The following ABHD6 variants were observed in gnomAD, a reference collection of about 807,000 sequenced individuals.
ABHD6 encodes monoacylglycerol lipase ABHD6.
A neutral mutation model predicts 38.8 loss-of-function variants in ABHD6; 33 were observed. The ratio of observed to expected loss-of-function variants is 0.85; its 90% confidence interval spans 0.64 to 1.14. The LOEUF (loss-of-function observed/expected upper bound fraction) is 1.14, where lower values mean the gene tolerates loss of function less well. Among genes scored for constraint, ABHD6 ranks in the 50% most tolerant of loss-of-function variants. The pLI, the probability that ABHD6 is intolerant of heterozygous loss-of-function variation, is 0.00. For missense variants in ABHD6, 380 were observed against 422.6 expected, an observed-to-expected ratio of 0.90 and a Z score of 0.88; for synonymous variants, 147 against 161.6, an observed-to-expected ratio of 0.91 and a Z score of 0.69.
At chr3:58,242,090 G>A (rs368393788) in intron 1 of ABHD6, among the ~76,000 whole-genome samples, 4 of 152,316 alleles carry the variant, frequency 2.6e-5, no homozygotes, top group African/African-American at 9.6e-5. Context: ...CCAGGCGAGA[G>A]GGAGAATAGG....
chr3:58,270,822 G>A (rs2107455520), intron 5 of ABHD6, 110 bp from the exon 6 acceptor site: 1 of 1,236,524 alleles, frequency 8.1e-7, no homozygotes, highest in Non-Finnish European at 1.1e-6. Flanking sequence ...TCTTTAAACA[G>A]TAGTCATTTT....
At chr3:58,289,354 T>C (rs1409576334) in intron 9 of ABHD6, among the ~76,000 whole-genome samples, 1 of 151,808 alleles carries the variant, frequency 6.6e-6, no homozygotes, top group African/African-American at 2.4e-5. Flanking sequence ...CAAAGGTCTC[T>C]GGTTTTCCTA....
At chr3:58,242,895 C>T (rs955251196) in intron 1 of ABHD6, among the ~76,000 whole-genome samples, 2 of 152,220 alleles carry the variant, frequency 1.3e-5, no homozygotes, top group Middle Eastern at 3.4e-3. Flanking sequence ...CGACAGGCCC[C>T]GGTGTGTAAT....
Position 58,238,834 on chromosome 3 carries a change from TCCC to T in ABHD6, c.-91+920_-91+922del, listed in dbSNP as rs551709369. On this transcript the variant is annotated intron_variant, in intron 1 of 9. Transcript: ENST00000478253. The surrounding 1 kb of genome is among the most constrained non-coding windows in gnomAD (Gnocchi z 6.9). Reference sequence around the variant, plus strand: ...GCCCTCATTTATCTCGCCGCCCCCCTCCCCGCTGCTCCCGCCTGCTCAGAAATC... The same window carrying T: ...GCCCTCATTTATCTCGCCGCCCCCCTCGCTGCTCCCGCCTGCTCAGAAATC... 4.3e-4 allele frequency among the ~76,000 whole-genome samples: 66 copies of T among 151,920 alleles called. No homozygotes were observed. The highest frequency in any genetic ancestry group is 1.5e-3 in the African/African-American group (64 of 41,412).
In ABHD6 at chr3:58,269,323, C is replaced by A. The variant is rs762239561; in HGVS notation, c.279C>A (p.Phe93Leu). The stretch of plus-strand genomic sequence containing the variant: ...TCTCTGGGTCTGTGTGTCCTCAGTT[C>A]CTTCCAAAGAACCTGCACTTGGTCT... ...HKDMWLSVVK[F>L]LPKNLHLVCV... is the part of the protein sequence containing the mutation. The change falls in exon 5 of 10, where the codon TTC becomes TTA. Residue 93 changes from phenylalanine (F) to leucine (L), a missense_variant and splice_region_variant. Physicochemically the swap from Phe to Leu is conservative, Grantham distance 22 (BLOSUM62 0). Coordinates refer to ENST00000478253, the MANE Select transcript of ABHD6 (RefSeq NM_001320126.2). The surrounding 1 kb of genome is among the most constrained non-coding windows in gnomAD (Gnocchi z 4.4). The A allele has an allele frequency of 1.2e-6, 2 of 1,612,944 alleles. No homozygotes were observed. Among genetic ancestry groups the A allele is most frequent in the East Asian group, 4.5e-5 (2 of 44,880 alleles).
At position 58,267,660 on chromosome 3, in the gene ABHD6, T is replaced by G. The variant is rs138200571; in HGVS notation, c.276+315T>G. Among the ~76,000 whole-genome samples, 13 of 151,142 alleles carry G rather than the reference T, an allele frequency of 8.6e-5. No individual in the cohort carries two copies. Among genetic ancestry groups the G allele is most frequent in the African/African-American group, 3.2e-4 (13 of 41,120 alleles). On this transcript the variant is annotated intron_variant, in intron 4 of 9. Transcript: ENST00000478253. The surrounding 1 kb of genome is among the most constrained non-coding windows in gnomAD (Gnocchi z 4.3). ...GCCTGGGCAACAGAATAAGACTCTG[T>G]CTCAAAAAAAATAAAAATAAAAAAA... is the stretch of plus-strand genomic sequence containing the variant.
intron 5 of ABHD6, 45 bp from the exon 6 acceptor site, chr3:58,270,887 G>A (rs1358520744): frequency 6.4e-7 from 1 of 1,562,740 alleles, no homozygotes; most frequent in Admixed American, 2.0e-5. Flanking sequence ...CATTGCCATT[G>A]TCTACAGCTG....
chr3:58,284,497 T>C (rs1260388510), intron 7 of ABHD6, among the ~76,000 whole-genome samples: 27 of 151,568 alleles, frequency 1.8e-4, no homozygotes, highest in Non-Finnish European at 1.3e-4. Context: ...GTCGCCCAGG[T>C]TGGAGTGCAG....
At chr3:58,281,847 G>C (rs576071909) in intron 7 of ABHD6, among the ~76,000 whole-genome samples, 274 of 152,300 alleles carry the variant, frequency 1.8e-3, no homozygotes, top group Non-Finnish European at 1.9e-3. Context: ...CGGGTGCGGT[G>C]GTTCATGCCT....
At chr3:58,275,615 C>T (rs890411145) in intron 7 of ABHD6, among the ~76,000 whole-genome samples, 1 of 151,950 alleles carries the variant, frequency 6.6e-6, no homozygotes, top group Non-Finnish European at 1.5e-5. Flanking sequence ...GCTTGAGCCA[C>T]CTCACCTGGC....
At chr3:58,281,178 T>G (rs988665486) in intron 7 of ABHD6, among the ~76,000 whole-genome samples, 3 of 152,258 alleles carry the variant, frequency 2.0e-5, no homozygotes, top group Admixed American at 1.3e-4. Flanking sequence ...TGCTGCCTTT[T>G]GTTCAGCTAA....
chr3:58,264,417 AC>A (rs2097439385), intron 3 of ABHD6, among the ~76,000 whole-genome samples: 13 of 141,416 alleles, frequency 9.2e-5, no homozygotes, highest in Admixed American at 9.0e-4. Context: ...ACACACACAC[AC>A]ACACACACAC....
At position 58,293,737 on chromosome 3, in the gene ABHD6, A is replaced by G; in HGVS notation, c.986A>G (p.Asn329Ser). Residue 329 changes from asparagine (N) to serine (S), a missense_variant, in exon 10 of 10, where the codon AAC becomes AGC. Transcript: ENST00000478253. The surrounding 1 kb of genome is among the most constrained non-coding windows in gnomAD (Gnocchi z 4.4). Reference sequence around the variant, plus strand: ...ATCGACTTTTTAGCTTCTGTGCACAACACAGACAACAACAAGAAGCTGGAC... The same window carrying G: ...ATCGACTTTTTAGCTTCTGTGCACAGCACAGACAACAACAAGAAGCTGGAC... The part of the protein sequence containing the change: ...LIIDFLASVH[N>S]TDNNKKLD 1 of 1,614,202 alleles carries G rather than the reference A, an allele frequency of 6.2e-7. No homozygotes were observed. The highest frequency in any genetic ancestry group is 2.2e-5 in the East Asian group (1 of 44,880).
chr3:58,261,033 G>A (rs770891560), intron 3 of ABHD6, among the ~76,000 whole-genome samples: 4 of 152,162 alleles, frequency 2.6e-5, no homozygotes, highest in Non-Finnish European at 4.4e-5. Context: ...GAGCCACACC[G>A]GGGATGCTGT....
chr3:58,293,714 C>T lies in ABHD6; in HGVS notation c.963C>T (p.Ile321=), dbSNP rs559081108. 15 of 1,614,208 alleles carry T rather than the reference C, an allele frequency of 9.3e-6. No homozygotes were observed. The highest frequency in any genetic ancestry group is 6.7e-5 in the African/African-American group (5 of 75,050). ...ERPRKTAKLI[I]DFLASVHNTD... is the part of the protein sequence containing the mutation. ...CCAGGAAGACAGCCAAGCTCATAATCGACTTTTTAGCTTCTGTGCACAACA... is the reference window on the plus strand; with the variant it reads ...CCAGGAAGACAGCCAAGCTCATAATTGACTTTTTAGCTTCTGTGCACAACA... The change falls in exon 10 of 10, where the codon ATC becomes ATT. Residue 321 remains isoleucine (I), a synonymous_variant. Transcript: ENST00000478253. The surrounding 1 kb of genome is among the most constrained non-coding windows in gnomAD (Gnocchi z 4.4).
rs139663877 is a variant in ABHD6 at position 58,257,235 on chromosome 3, C to T, written c.119+530C>T. 6.6e-6 allele frequency among the ~76,000 whole-genome samples: 1 copy of T among 152,176 alleles called. No homozygotes were observed. Among genetic ancestry groups the T allele is most frequent in the Non-Finnish European group, 1.5e-5 (1 of 68,000 alleles). Reference sequence around the variant, plus strand: ...TTAGGTTTCTGATAGCATCTTTCTCCACCCACATTCCCAAAGTCAGTGATT... The same window carrying T: ...TTAGGTTTCTGATAGCATCTTTCTCTACCCACATTCCCAAAGTCAGTGATT... On this transcript the variant is annotated intron_variant, in intron 3 of 9. Coordinates refer to ENST00000478253, the MANE Select transcript of ABHD6 (RefSeq NM_001320126.2). This position sits in a 1 kb window ranked among gnomAD's most constrained non-coding sequence, Gnocchi z 4.8.
chr3:58,256,785 G>T lies in ABHD6; in HGVS notation c.119+80G>T, dbSNP rs201226601. ...TCTGCTTGTCCTTTTTGTGGTTATT[G>T]TCCAACATTTTATCAGGAAGTATTT... On this transcript the variant is annotated intron_variant, in intron 3 of 9. Transcript: ENST00000478253. The surrounding 1 kb of genome is among the most constrained non-coding windows in gnomAD (Gnocchi z 4.3). 1 of 1,165,482 alleles carries T rather than the reference G, an allele frequency of 8.6e-7. No homozygotes were observed. The highest frequency in any genetic ancestry group is 1.2e-6 in the Non-Finnish European group (1 of 800,726). The allele number at this position is 1,165,482 out of a possible 1,614,324, so 72.2% of individuals were successfully genotyped here. A position where few individuals can be genotyped will look rare whatever the true frequency, so the allele number is the denominator to read the frequency against.
Position 58,266,803 on chromosome 3 carries a change from A to G in ABHD6, c.120-386A>G, listed in dbSNP as rs1365810473. 1.3e-5 allele frequency among the ~76,000 whole-genome samples: 2 copies of G among 152,234 alleles called. No individual in the cohort carries two copies. The highest frequency in any genetic ancestry group is 2.9e-5 in the Non-Finnish European group (2 of 68,052). On this transcript the variant is annotated intron_variant, in intron 3 of 9. Transcript: ENST00000478253. This position sits in a 1 kb window ranked among gnomAD's most constrained non-coding sequence, Gnocchi z 4.0. ...GAAGCTGAGCTTTCAACCAGCTGCCATATGTTATGAGGAACAAAGCCAGAG... is the reference window on the plus strand; with the variant it reads ...GAAGCTGAGCTTTCAACCAGCTGCCGTATGTTATGAGGAACAAAGCCAGAG...
At chr3:58,277,372 T>A (rs1049963262) in intron 7 of ABHD6, among the ~76,000 whole-genome samples, 4 of 152,162 alleles carry the variant, frequency 2.6e-5, no homozygotes, top group African/African-American at 4.8e-5. Flanking sequence ...ATTCTCTTTG[T>A]AGCAATTGTG....
Sources: gnomAD v4.1 joint callset for allele counts (sites outside exome capture counted in the v4.1 genomes callset) on GRCh38, gnomAD v4.1.1 for gene constraint, Gnocchi (gnomAD v3.1) non-coding constraint, MANE v1.5 for transcripts, NCBI Gene and HGNC (gene_info 2026-07-23, HGNC 2026-07-21) for gene names.